IGDCC3: variants seen among roughly 807,000 people sequenced by gnomAD.
IGDCC3 encodes putative neuronal cell adhesion molecule.
Under a neutral mutation model 72.0 loss-of-function variants are expected in IGDCC3, and 47 were observed. That is an observed-to-expected ratio of 0.65 (90% CI 0.52 to 0.83). The LOEUF is 0.83. Among genes scored for constraint, IGDCC3 ranks in the 40% least tolerant of loss-of-function variants. The pLI is 0.00. For missense variants in IGDCC3, 1,038 were observed against 1,091.3 expected (o/e 0.95, Z 0.69); for synonymous variants, 477 against 472.8 (o/e 1.01, Z -0.11).
At chr15:65,350,297 A>G (rs2091162464) in intron 2 of IGDCC3, among the ~76,000 whole-genome samples, 1 of 151,352 alleles carries the variant, frequency 6.6e-6, no homozygotes. Flanking sequence ...TGCCTGGCTA[A>G]TTTTTGTATT....
At position 65,330,628 on chromosome 15, in the gene IGDCC3, G is replaced by A; in HGVS notation, c.1675C>T (p.Arg559Cys). The change falls in exon 10 of 14, where the codon CGC (arginine) becomes TGC (cysteine). Residue 559 changes from arginine (R) to cysteine (C), a missense_variant. Transcript: ENST00000327987. ...QHEGGFKLFYRPASKTSFTGP... is the reference protein window; with the variant it reads ...QHEGGFKLFYCPASKTSFTGP... The stretch of plus-strand genomic sequence containing the variant: ...GTGAAGGAGGTCTTGCTTGCTGGGC[G>A]GTAAAACAGCTTGAAGCCGCCCTCG... The A allele has an allele frequency of 6.2e-6, 10 of 1,613,798 alleles. No individual in the cohort carries two copies. Among genetic ancestry groups the A allele is most frequent in the South Asian group, 1.1e-5 (1 of 91,074 alleles).
chr15:65,334,233 TTCTC>T (rs1253726891), intron 5 of IGDCC3, among the ~76,000 whole-genome samples: 2 of 151,992 alleles, frequency 1.3e-5, no homozygotes, highest in Non-Finnish European at 2.9e-5. Flanking sequence ...ACCCTTTCAT[TTCTC>T]TCTTTCAGCT....
chr15:65,331,027 T>G (rs778503158), intron 9 of IGDCC3, 23 bp downstream of exon 9: 1 of 1,610,982 alleles, frequency 6.2e-7, no homozygotes, highest in Admixed American at 1.7e-5. Context: ...CCTGTGGTTT[T>G]GTGCTCCACA....
At chr15:65,369,593 C>G (rs1246312329) in intron 2 of IGDCC3, among the ~76,000 whole-genome samples, 2 of 152,166 alleles carry the variant, frequency 1.3e-5, no homozygotes, top group African/African-American at 4.8e-5. Flanking sequence ...AATGGACAGG[C>G]AGATGTGTGT....
intron 2 of IGDCC3, among the ~76,000 whole-genome samples, chr15:65,365,644 T>C (rs2091285063): frequency 6.7e-6 from 1 of 148,480 alleles, no homozygotes; most frequent in African/African-American, 2.5e-5. Flanking sequence ...TGTTGCCCTC[T>C]TTGAACCTTA....
At chr15:65,345,333 C>T (rs938066501) in intron 2 of IGDCC3, among the ~76,000 whole-genome samples, 1 of 151,936 alleles carries the variant, frequency 6.6e-6, no homozygotes, top group African/African-American at 2.4e-5. Context: ...GTGGGCAGAT[C>T]GCTTGAGCCC....
In IGDCC3 at chr15:65,343,385, T is replaced by A. The variant is rs1226623047; in HGVS notation, c.410-7429A>T. Among the ~76,000 whole-genome samples, 3 of 144,158 alleles carry A rather than the reference T, an allele frequency of 2.1e-5. No homozygotes were observed. In the East Asian group the frequency reaches 6.5e-4, roughly 31 times the overall value. 94.6% of individuals were successfully genotyped at this position (144,158 alleles called of 152,430 possible). On this transcript the variant is annotated intron_variant, in intron 2 of 13. Coordinates refer to ENST00000327987, the MANE Select transcript of IGDCC3 (RefSeq NM_004884.4). ...TGGAGAAGGGAGTAAAAACTGAATT[T>A]GCAAGGCCTGAATGGTGTGGGGGGA...
rs151167917 is a variant in IGDCC3, at chr15:65,335,093, G to A, written c.685+198C>T. On this transcript the variant is annotated intron_variant, in intron 4 of 13. Transcript: ENST00000327987. ...AAGTCCTGGAGATCAGCATAGGATG[G>A]GATTCCCAGGGGGAAATGAGCCAGA... 7.7e-4 allele frequency among the ~76,000 whole-genome samples: 117 copies of A among 152,250 alleles called. No homozygotes were observed. The Middle Eastern group carries it at 0.01, about 13-fold the overall frequency.
Position 65,334,766 on chromosome 15 carries a change from G to T in IGDCC3, c.785C>A (p.Thr262Lys). ...HQTAVLECVATGNPRPIVSWS... is the reference protein window; with the variant it reads ...HQTAVLECVAKGNPRPIVSWS... Reference sequence around the variant, plus strand: ...GGACACAATGGGGCGCGGGTTGCCCGTGGCGACACACTCAAGCACCGCGGT... The same window carrying T: ...GGACACAATGGGGCGCGGGTTGCCCTTGGCGACACACTCAAGCACCGCGGT... The change falls in exon 5 of 14, where the codon ACG becomes AAG. Residue 262 changes from threonine (T) to lysine (K), a missense_variant. Physicochemically the swap from Thr to Lys is moderately conservative, Grantham distance 78. Coordinates refer to ENST00000327987, the MANE Select transcript of IGDCC3 (RefSeq NM_004884.4). 1 of 1,602,942 alleles carries T rather than the reference G, an allele frequency of 6.2e-7. No individual in the cohort carries two copies. The highest frequency in any genetic ancestry group is 8.5e-7 in the Non-Finnish European group (1 of 1,174,932).
In IGDCC3 at chr15:65,329,819, T is replaced by C. The variant is rs1369196871; in HGVS notation, c.1904A>G (p.Gln635Arg). The change falls in exon 12 of 14, where the codon CAG (glutamine) becomes CGG (arginine). Residue 635 changes from glutamine to arginine, a missense_variant. Transcript: ENST00000327987. This position sits in a 1 kb window ranked among gnomAD's most constrained non-coding sequence, Gnocchi z 4.1. ...GATGACGATGCCTGTGGTGGACGTC[T>C]GGTTGGCGGCCTCCTCCTTCCGGCA... ...CDCRKEEAANQTSTTGIVIGI... is the reference protein window; with the variant it reads ...CDCRKEEAANRTSTTGIVIGI... The C allele has an allele frequency of 6.2e-7, 1 of 1,614,096 alleles. No individual in the cohort carries two copies. The highest frequency in any genetic ancestry group is 8.5e-7 in the Non-Finnish European group (1 of 1,180,024).
intron 3 of IGDCC3, 83 bp downstream of exon 3, chr15:65,335,729 A>T: frequency 6.6e-7 from 1 of 1,520,280 alleles, no homozygotes; most frequent in Non-Finnish European, 9.1e-7. Context: ...TGCAGCTCCC[A>T]GAGCCGCGGG....
chr15:65,335,899 GC>G lies in IGDCC3; in HGVS notation c.466del (p.Ala156ProfsTer14). 1 of 1,614,152 alleles carries G rather than the reference GC, an allele frequency of 6.2e-7. No homozygotes were observed. Among genetic ancestry groups the G allele is most frequent in the Non-Finnish European group, 8.5e-7 (1 of 1,179,984 alleles). On this transcript the variant is annotated frameshift_variant, in exon 3 of 14. Transcript: ENST00000327987. LOFTEE classifies it high-confidence loss of function. ...CCCATGGATTTGGCACTGGAAGCGG[GC>G]CACACCACCCTCCTCACCCACGGTG... ...QATVGEEGGV[A>X]RFQCQIHGLP... is the part of the protein sequence containing the mutation.
In IGDCC3 at chr15:65,354,645, G is replaced by A. The variant is rs137974151; in HGVS notation, c.410-18689C>T. On this transcript the variant is annotated intron_variant, in intron 2 of 13. Coordinates refer to ENST00000327987, the MANE Select transcript of IGDCC3 (RefSeq NM_004884.4). ...CTCCAGCACCTAGAACAAATACTAG[G>A]TAAACACTAAGTCCTCATAAACTGT... Among the ~76,000 whole-genome samples the A allele has an allele frequency of 1.1e-3, 175 of 152,230 alleles. 1 individual carries two copies. Among genetic ancestry groups the A allele is most frequent in the African/African-American group, 4.0e-3 (167 of 41,528 alleles).
rs137945720 is a variant in IGDCC3, at chr15:65,329,015, G to A, written c.2339C>T (p.Ala780Val). 4.3e-6 allele frequency: 7 copies of A among 1,611,776 alleles called. No homozygotes were observed. The highest frequency in any genetic ancestry group is 1.3e-5 in the African/African-American group (1 of 74,880). The change falls in exon 14 of 14, where the codon GCG becomes GTG. Residue 780 changes from alanine (A) to valine (V), a missense_variant. Transcript: ENST00000327987. The surrounding 1 kb of genome is among the most constrained non-coding windows in gnomAD (Gnocchi z 4.1). ...TCCATCTGGGGGTGGTGGGGCAGCC[G>A]CCAGGCCGGCGCAGGGAGCCGTGGC... is the stretch of plus-strand genomic sequence containing the variant. ...TEATAPCAGL[A>V]AAPPPPDGGP...
chr15:65,353,834 A>G (rs1449979185), intron 2 of IGDCC3, among the ~76,000 whole-genome samples: 1 of 152,238 alleles, frequency 6.6e-6, no homozygotes, highest in African/African-American at 2.4e-5. Flanking sequence ...CATATCATCA[A>G]GAAATAACCA....
At chr15:65,333,184 G>A in intron 6 of IGDCC3, 73 bp downstream of exon 6, 9 of 1,414,360 alleles carry the variant, frequency 6.4e-6, no homozygotes, top group Non-Finnish European at 8.5e-6. Context: ...GGGCCCTGGG[G>A]TTGGGCCTGG....
chr15:65,377,550 A>T lies in IGDCC3; in HGVS notation c.103+136T>A. The T allele has an allele frequency of 1.1e-6, 1 of 893,102 alleles. No individual in the cohort carries two copies. Among genetic ancestry groups the T allele is most frequent in the Non-Finnish European group, 1.5e-6 (1 of 678,646 alleles). The allele number at this position is 893,102 out of a possible 1,614,324, so 55.3% of individuals were successfully genotyped here. A position where few individuals can be genotyped will look rare whatever the true frequency, so the allele number is the denominator to read the frequency against. On this transcript the variant is annotated intron_variant, in intron 1 of 13. Transcript: ENST00000327987. This position sits in a 1 kb window ranked among gnomAD's most constrained non-coding sequence, Gnocchi z 4.9. ...GTACCCTCTCCCCGTCCGGATCCGC[A>T]GGGTCCCCCCCGCGCGGGGTCCGCC...
intron 2 of IGDCC3, among the ~76,000 whole-genome samples, chr15:65,338,909 T>C (rs1341279140): frequency 1.3e-5 from 2 of 152,032 alleles, no homozygotes; most frequent in African/African-American, 2.4e-5. Context: ...TTTTTTCTTT[T>C]TTTTTTCTTT....
intron 2 of IGDCC3, among the ~76,000 whole-genome samples, chr15:65,364,602 G>C (rs1406703547): frequency 6.6e-6 from 1 of 152,132 alleles, no homozygotes; most frequent in Admixed American, 6.6e-5. Context: ...AAGAAAAACA[G>C]AGGGGCCGGG....
Sources: gnomAD v4.1 joint callset for allele counts (sites outside exome capture counted in the v4.1 genomes callset) on GRCh38, gnomAD v4.1.1 for gene constraint, Gnocchi (gnomAD v3.1) non-coding constraint, MANE v1.5 for transcripts, NCBI Gene and HGNC (gene_info 2026-07-23, HGNC 2026-07-21) for gene names.